Variants in BRIP1 observed in about 807,000 individuals in gnomAD.
BRIP1 encodes the protein BRCA1 interacting DNA helicase 1.
BRIP1 carries 88 observed loss-of-function variants against 119.7 expected under a neutral mutation model. The ratio of observed to expected loss-of-function variants is 0.74; its 90% CI spans 0.62 to 0.88. The LOEUF is 0.88. BRIP1 is among the 40% of genes least tolerant of loss of function. BRIP1 has a pLI of 0.00. For synonymous variants in BRIP1, 443 were observed against 496.5 expected (o/e 0.89, Z 1.43); for missense variants, 1,259 against 1,455.4 (o/e 0.87, Z 2.20).
chr17:61,704,411 T>C lies in BRIP1; in HGVS notation c.2493-10899A>G, dbSNP rs553373423. 2.0e-5 allele frequency among the ~76,000 whole-genome samples: 3 copies of C among 152,268 alleles called. No homozygotes were observed. Among genetic ancestry groups the C allele is most frequent in the African/African-American group, 7.2e-5 (3 of 41,574 alleles). On this transcript the variant is annotated intron_variant, in intron 17 of 19. Coordinates refer to ENST00000259008, the MANE Select transcript of BRIP1 (RefSeq NM_032043.3). The surrounding 1 kb of genome is among the most constrained non-coding windows in gnomAD (Gnocchi z 5.7). ...TTGCTAGTGAACACAGCTGGGTGAA[T>C]TTTTTAGAAGGCTTTTAACTATTAA...
At chr17:61,733,661 T>C (rs978432742) in intron 16 of BRIP1, among the ~76,000 whole-genome samples, 3 of 152,086 alleles carry the variant, frequency 2.0e-5, no homozygotes, top group African/African-American at 4.8e-5. Context: ...GTTTGGTACA[T>C]TGAGAGCTAA....
Position 61,753,597 on chromosome 17 carries a change from C to T in BRIP1, c.2098-9006G>A, listed in dbSNP as rs1055434241. 6.6e-6 allele frequency among the ~76,000 whole-genome samples: 1 copy of T among 150,706 alleles called. No homozygotes were observed. Among genetic ancestry groups the T allele is most frequent in the Non-Finnish European group, 1.5e-5 (1 of 67,752 alleles). Reference sequence around the variant, plus strand: ...GGGACCAGCAAGAAAATCTTATTTCCTCTCCATTTTTTTTTTTTTTTAGAG... The same window carrying T: ...GGGACCAGCAAGAAAATCTTATTTCTTCTCCATTTTTTTTTTTTTTTAGAG... On this transcript the variant is annotated intron_variant, in intron 14 of 19. Transcript: ENST00000259008. The surrounding 1 kb of genome is among the most constrained non-coding windows in gnomAD (Gnocchi z 4.6).
In BRIP1 at chr17:61,739,152, C is replaced by G. The variant is rs188872198; in HGVS notation, c.2379+3861G>C. The G allele has an allele frequency of 1.4e-4, 25 of 180,094 alleles. No individual in the cohort carries two copies. Among genetic ancestry groups the G allele is most frequent in the Non-Finnish European group, 2.6e-4 (22 of 84,136 alleles). The allele number at this position is 180,094 out of a possible 1,614,324, so 11.2% of individuals were successfully genotyped here. A position where few individuals can be genotyped will look rare whatever the true frequency, so the allele number is the denominator to read the frequency against. Reference sequence around the variant, plus strand: ...GATTCTTTCCACTTTAACAAAGCAGCCTTAGTGCAATAATGTAGAGCTAGA... The same window carrying G: ...GATTCTTTCCACTTTAACAAAGCAGGCTTAGTGCAATAATGTAGAGCTAGA... On this transcript the variant is annotated intron_variant, in intron 16 of 19. Coordinates refer to ENST00000259008, the MANE Select transcript of BRIP1 (RefSeq NM_032043.3). The surrounding 1 kb of genome is among the most constrained non-coding windows in gnomAD (Gnocchi z 6.0).
Position 61,799,423 on chromosome 17 carries a change from CAG to C in BRIP1, c.1141-126_1141-125del, listed in dbSNP as rs5821340. On this transcript the variant is annotated intron_variant, in intron 8 of 19. Coordinates refer to ENST00000259008, the MANE Select transcript of BRIP1 (RefSeq NM_032043.3). This position sits in a 1 kb window ranked among gnomAD's most constrained non-coding sequence, Gnocchi z 5.1. ...ATTGCAAATGCAATTACATAAGCAA[CAG>C]AGATTCTAGGTCTTAAATAAAACTT... is the stretch of plus-strand genomic sequence containing the variant. 706,799 of 709,176 alleles carry C rather than the reference CAG, an allele frequency of 1. 352,259 individuals carry two copies. Among genetic ancestry groups the C allele is most frequent in the East Asian group, 1 (37,082 of 37,082 alleles). 43.9% of individuals were successfully genotyped at this position (709,176 alleles called of 1,614,324 possible).
At position 61,775,924 on chromosome 17, in the gene BRIP1, C is replaced by G. The variant is rs1223627618; in HGVS notation, c.2097+477G>C. The stretch of plus-strand genomic sequence containing the variant: ...TTTTAGAGAGAGTCTTATTCTGTTG[C>G]CCACGCTGGAGTGCAGGGGTGCAAT... On this transcript the variant is annotated intron_variant, in intron 14 of 19. Transcript: ENST00000259008. The surrounding 1 kb of genome is among the most constrained non-coding windows in gnomAD (Gnocchi z 4.4). 1.2e-5 allele frequency: 2 copies of G among 169,218 alleles called. No homozygotes were observed. The highest frequency in any genetic ancestry group is 4.8e-5 in the African/African-American group (2 of 41,658). The allele number at this position is 169,218 out of a possible 1,614,324, so 10.5% of individuals were successfully genotyped here. A position where few individuals can be genotyped will look rare whatever the true frequency, so the allele number is the denominator to read the frequency against.
chr17:61,862,680 T>C lies in BRIP1; in HGVS notation c.-31+604A>G, dbSNP rs1447027501. Among the ~76,000 whole-genome samples the C allele has an allele frequency of 1.3e-5, 2 of 152,194 alleles. No individual in the cohort carries two copies. The highest frequency in any genetic ancestry group is 4.1e-4 in the South Asian group (2 of 4,834). Reference sequence around the variant, plus strand: ...AGGAAATCAAAATAGCGGGGGAAATTACATGCACTGTTATTAAATAAGGAA... The same window carrying C: ...AGGAAATCAAAATAGCGGGGGAAATCACATGCACTGTTATTAAATAAGGAA... On this transcript the variant is annotated intron_variant, in intron 1 of 19. Coordinates refer to ENST00000259008, the MANE Select transcript of BRIP1 (RefSeq NM_032043.3). The surrounding 1 kb of genome is among the most constrained non-coding windows in gnomAD (Gnocchi z 5.3).
At position 61,706,494 on chromosome 17, in the gene BRIP1, C is replaced by T. The variant is rs2144302542; in HGVS notation, c.2492+9457G>A. 6.6e-6 allele frequency among the ~76,000 whole-genome samples: 1 copy of T among 152,176 alleles called. No individual in the cohort carries two copies. The highest frequency in any genetic ancestry group is 1.5e-5 in the Non-Finnish European group (1 of 67,968). On this transcript the variant is annotated intron_variant, in intron 17 of 19. Coordinates refer to ENST00000259008, the MANE Select transcript of BRIP1 (RefSeq NM_032043.3). This position sits in a 1 kb window ranked among gnomAD's most constrained non-coding sequence, Gnocchi z 5.7. ...AAAAACATAACTGTCCTTTCCCTAC[C>T]CACCTCCTGTTTACAATTCCCATTC...
rs533376042 is a variant in BRIP1, at chr17:61,762,633, A to T, written c.2097+13768T>A. On this transcript the variant is annotated intron_variant, in intron 14 of 19. Transcript: ENST00000259008. The surrounding 1 kb of genome is among the most constrained non-coding windows in gnomAD (Gnocchi z 4.3). The stretch of plus-strand genomic sequence containing the variant: ...GATACATGAAAAAATGCTCAAAATC[A>T]CTAATCATTAGGGAAATACAAATTA... Among the ~76,000 whole-genome samples the T allele has an allele frequency of 5.9e-5, 9 of 152,300 alleles. No homozygotes were observed. Among genetic ancestry groups the T allele is most frequent in the African/African-American group, 2.2e-4 (9 of 41,590 alleles).
In BRIP1 at chr17:61,699,586, T is replaced by G. The variant is rs34231086; in HGVS notation, c.2493-6074A>C. Among the ~76,000 whole-genome samples the G allele has an allele frequency of 6.6e-6, 1 of 152,164 alleles. No homozygotes were observed. Among genetic ancestry groups the G allele is most frequent in the Non-Finnish European group, 1.5e-5 (1 of 68,038 alleles). Reference sequence around the variant, plus strand: ...ATCTGTCACCTTTGGGTTGTTATTGTCATATAAATTATATCTTTAAACATT... The same window carrying G: ...ATCTGTCACCTTTGGGTTGTTATTGGCATATAAATTATATCTTTAAACATT... On this transcript the variant is annotated intron_variant, in intron 17 of 19. Coordinates refer to ENST00000259008, the MANE Select transcript of BRIP1 (RefSeq NM_032043.3). The surrounding 1 kb of genome is among the most constrained non-coding windows in gnomAD (Gnocchi z 4.8).
chr17:61,784,171 C>T lies in BRIP1; in HGVS notation c.1628+99G>A, dbSNP rs189987223. 3,073 of 1,040,194 alleles carry T rather than the reference C, an allele frequency of 3.0e-3. 7 individuals carry two copies. Among genetic ancestry groups the T allele is most frequent in the Non-Finnish European group, 3.7e-3 (2,573 of 688,144 alleles). The allele number at this position is 1,040,194 out of a possible 1,614,324, so 64.4% of individuals were successfully genotyped here. A position where few individuals can be genotyped will look rare whatever the true frequency, so the allele number is the denominator to read the frequency against. On this transcript the variant is annotated intron_variant, in intron 11 of 19. Transcript: ENST00000259008. ...ATCTATAACACTTGTTTTCAATTCTCCTATTTACTCACCCAAAATAGGTAT... is the reference window on the plus strand; with the variant it reads ...ATCTATAACACTTGTTTTCAATTCTTCTATTTACTCACCCAAAATAGGTAT...
chr17:61,764,806 G>T (rs545563944), intron 14 of BRIP1, among the ~76,000 whole-genome samples: 2 of 151,898 alleles, frequency 1.3e-5, no homozygotes, highest in African/African-American at 2.4e-5. Flanking sequence ...TAGAACTAAG[G>T]GGGTGGGGGG....
intron 6 of BRIP1, among the ~76,000 whole-genome samples, chr17:61,829,187 T>G (rs1182216801): frequency 2.0e-5 from 3 of 152,082 alleles, no homozygotes; most frequent in Admixed American, 2.0e-4. Context: ...AGACAATTAT[T>G]TATAAGAAAC....
At position 61,795,045 on chromosome 17, in the gene BRIP1, A is replaced by G. The variant is rs2077878918; in HGVS notation, c.1341-1316T>C. Among the ~76,000 whole-genome samples, 1 of 152,084 alleles carries G rather than the reference A, an allele frequency of 6.6e-6. No individual in the cohort carries two copies. The highest frequency in any genetic ancestry group is 1.5e-5 in the Non-Finnish European group (1 of 67,992). On this transcript the variant is annotated intron_variant, in intron 9 of 19. Coordinates refer to ENST00000259008, the MANE Select transcript of BRIP1 (RefSeq NM_032043.3). The surrounding 1 kb of genome is among the most constrained non-coding windows in gnomAD (Gnocchi z 5.6). ...TGATAAGCAGAAATCAGTCATCTTG[A>G]GTCATCATAAGAAATCTGAATTTAT... is the stretch of plus-strand genomic sequence containing the variant.
chr17:61,773,045 A>G (rs1434055701), intron 14 of BRIP1, among the ~76,000 whole-genome samples: 1 of 151,946 alleles, frequency 6.6e-6, no homozygotes, highest in African/African-American at 2.4e-5. Context: ...ATAAATTAAG[A>G]TATTTAAAGC....
rs777217004 is a variant in BRIP1, at chr17:61,780,974, G to C, written c.1660C>G (p.Gln554Glu). The C allele has an allele frequency of 2.5e-5, 40 of 1,613,862 alleles. No individual in the cohort carries two copies. Among genetic ancestry groups the C allele is most frequent in the Non-Finnish European group, 3.0e-5 (35 of 1,180,032 alleles). Residue 554 changes from glutamine (Q) to glutamate (E), a missense_variant, in exon 12 of 20, where the codon CAG becomes GAG. Coordinates refer to ENST00000259008, the MANE Select transcript of BRIP1 (RefSeq NM_032043.3). The surrounding 1 kb of genome is among the most constrained non-coding windows in gnomAD (Gnocchi z 5.4). ...ATCTGATTTGTCCAGGAGTAAGTCT[G>C]TTGAATCGCAATTTTATAATCATCT... ...FADDYKIAIQ[Q>E]TYSWTNQIDI... is the part of the protein sequence containing the mutation.
Position 61,780,752 on chromosome 17 carries a change from A to C in BRIP1, c.1794+88T>G, listed in dbSNP as rs1158154096. On this transcript the variant is annotated intron_variant, in intron 12 of 19. Transcript: ENST00000259008. This position sits in a 1 kb window ranked among gnomAD's most constrained non-coding sequence, Gnocchi z 5.4. Reference sequence around the variant, plus strand: ...AAAACAACAACAACAACAACAACAAACAACTATCTTTAAAAGAGTCAACCA... The same window carrying C: ...AAAACAACAACAACAACAACAACAACCAACTATCTTTAAAAGAGTCAACCA... The C allele has an allele frequency of 6.9e-7, 1 of 1,453,208 alleles. No individual in the cohort carries two copies. Among genetic ancestry groups the C allele is most frequent in the African/African-American group, 1.4e-5 (1 of 71,566 alleles). The allele number at this position is 1,453,208 out of a possible 1,614,324, so 90.0% of individuals were successfully genotyped here.
Position 61,679,243 on chromosome 17 carries a change from A to G in BRIP1, c.*4053T>C, listed in dbSNP as rs191840743. Reference sequence around the variant, plus strand: ...TAAAATTAATGTTTTGAATAGAAAGATCTTAACAACAAAGCCTTATAGAAA... The same window carrying G: ...TAAAATTAATGTTTTGAATAGAAAGGTCTTAACAACAAAGCCTTATAGAAA... On this transcript the variant is annotated 3_prime_UTR_variant, in exon 20 of 20. Coordinates refer to ENST00000259008, the MANE Select transcript of BRIP1 (RefSeq NM_032043.3). This position sits in a 1 kb window ranked among gnomAD's most constrained non-coding sequence, Gnocchi z 4.4. Among the ~76,000 whole-genome samples the G allele has an allele frequency of 1.6e-4, 24 of 152,364 alleles. No individual in the cohort carries two copies. The East Asian group carries it at 4.6e-3, about 29-fold the overall frequency.
In BRIP1 at chr17:61,794,531, C is replaced by T. The variant is rs1165036472; in HGVS notation, c.1341-802G>A. 6.6e-6 allele frequency among the ~76,000 whole-genome samples: 1 copy of T among 151,720 alleles called. No homozygotes were observed. Among genetic ancestry groups the T allele is most frequent in the Non-Finnish European group, 1.5e-5 (1 of 67,930 alleles). ...GGGAACAGCACATACTGGGGCCTAT[C>T]GGATGGTGTAGCGTTGGAGACGGGA... On this transcript the variant is annotated intron_variant, in intron 9 of 19. Transcript: ENST00000259008. The surrounding 1 kb of genome is among the most constrained non-coding windows in gnomAD (Gnocchi z 4.3).
At position 61,780,567 on chromosome 17, in the gene BRIP1, A is replaced by T. The variant is rs571004324; in HGVS notation, c.1795-166T>A. On this transcript the variant is annotated intron_variant, in intron 12 of 19. Coordinates refer to ENST00000259008, the MANE Select transcript of BRIP1 (RefSeq NM_032043.3). This position sits in a 1 kb window ranked among gnomAD's most constrained non-coding sequence, Gnocchi z 5.4. ...ATATGGTGAAACCCCGTCTCTACAA[A>T]AAATACAAAAATTAGCCGGGCATGG... Among the ~76,000 whole-genome samples, 1 of 152,206 alleles carries T rather than the reference A, an allele frequency of 6.6e-6. No individual in the cohort carries two copies. Among genetic ancestry groups the T allele is most frequent in the South Asian group, 2.1e-4 (1 of 4,806 alleles).
Sources: gnomAD v4.1 joint callset for allele counts (sites outside exome capture counted in the v4.1 genomes callset) on GRCh38, gnomAD v4.1.1 for gene constraint, Gnocchi (gnomAD v3.1) non-coding constraint, MANE v1.5 for transcripts, NCBI Gene and HGNC (gene_info 2026-07-23, HGNC 2026-07-21) for gene names.